USP32: variants seen among roughly 807,000 people sequenced by gnomAD.
The protein encoded by USP32 is ubiquitin carboxyl-terminal hydrolase 32.
Under a neutral mutation model 204.8 loss-of-function variants are expected in USP32, and 59 were observed. That is an observed-to-expected ratio of 0.29 (90% CI 0.23 to 0.36). USP32 has a LOEUF of 0.36. Ranked by LOEUF, USP32 falls within the 10% of genes least tolerant of loss-of-function variation. The pLI, the probability that USP32 is intolerant of heterozygous loss-of-function variation, is 1.00. For synonymous variants in USP32, 517 were observed against 678.4 expected (o/e 0.76, Z 3.70); for missense variants, 1,160 against 1,946.4 (o/e 0.60, Z 7.60).
In USP32 at chr17:60,407,610, C is replaced by T. The variant is rs1415926388; in HGVS notation, c.106+14636G>A. On this transcript the variant is annotated intron_variant, in intron 1 of 3. Coordinates refer to the USP32 transcript ENST00000588898. ...TTAAGGGAAGACTACAAAATACAGA[C>T]ATTCAACAATGTGACATCCACATTA... Among the ~76,000 whole-genome samples the T allele has an allele frequency of 2.0e-5, 3 of 152,082 alleles. No individual in the cohort carries two copies. The East Asian group carries it at 5.8e-4, about 29-fold the overall frequency.
At chr17:60,384,706 T>C (rs2146123327) in intron 1 of USP32, among the ~76,000 whole-genome samples, 1 of 151,458 alleles carries the variant, frequency 6.6e-6, no homozygotes, top group East Asian at 1.9e-4. Flanking sequence ...GCAGGAGAAT[T>C]GCTTGAATTC....
intron 4 of USP32, among the ~76,000 whole-genome samples, chr17:60,291,252 C>T (rs2087265297): frequency 6.6e-6 from 1 of 152,026 alleles, no homozygotes; most frequent in African/African-American, 2.4e-5. Flanking sequence ...AACTGGTAGA[C>T]CAAAAATTAT....
At chr17:60,265,901 T>G (rs2086578987) in intron 8 of USP32, 75 bp downstream of exon 8, 1 of 1,187,630 alleles carries the variant, frequency 8.4e-7, no homozygotes, top group East Asian at 2.3e-5. Context: ...TATTTTATGC[T>G]TTTAAAGAAA....
chr17:60,356,123 C>G (rs976833979), intron 1 of USP32, among the ~76,000 whole-genome samples: 1 of 152,126 alleles, frequency 6.6e-6, no homozygotes, highest in African/African-American at 2.4e-5. Context: ...CAAGCTTTGT[C>G]TTTATTTGAT....
intron 16 of USP32, among the ~76,000 whole-genome samples, chr17:60,218,336 A>T (rs900459674): frequency 2.6e-5 from 4 of 152,130 alleles, no homozygotes; most frequent in Admixed American, 6.6e-5. Context: ...GTGAGCCGAG[A>T]TCGTGCCACT....
chr17:60,205,372 T>C, intron 26 of USP32, 75 bp downstream of exon 26: 1 of 1,561,528 alleles, frequency 6.4e-7, no homozygotes, highest in Non-Finnish European at 8.7e-7. Context: ...TCAATGATGT[T>C]GCAAAGACAG....
chr17:60,321,620 T>C (rs1204004101), intron 2 of USP32, among the ~76,000 whole-genome samples: 1 of 152,006 alleles, frequency 6.6e-6, no homozygotes, highest in Non-Finnish European at 1.5e-5. Context: ...CCCAAAGAAA[T>C]GAGGGCAAAC....
chr17:60,411,673 C>A (rs918418818), intron 1 of USP32, among the ~76,000 whole-genome samples: 1 of 151,820 alleles, frequency 6.6e-6, no homozygotes, highest in African/African-American at 2.4e-5. Flanking sequence ...CCATGTACAG[C>A]TCCTATTCTA....
chr17:60,348,094 C>T (rs941238734), intron 1 of USP32, among the ~76,000 whole-genome samples: 2 of 151,424 alleles, frequency 1.3e-5, no homozygotes, highest in Admixed American at 1.3e-4. Flanking sequence ...TGCACTCCAG[C>T]CTGGGCAACA....
chr17:60,391,582 C>T (rs2089834391), intron 1 of USP32, among the ~76,000 whole-genome samples: 1 of 152,144 alleles, frequency 6.6e-6, no homozygotes, highest in African/African-American at 2.4e-5. Context: ...CCCAAGAAAA[C>T]GGGGAGAGGA....
chr17:60,231,458 T>G (rs1280111818), intron 12 of USP32: 7 of 444,686 alleles, frequency 1.6e-5, no homozygotes, highest in Non-Finnish European at 3.2e-5. Flanking sequence ...CTCAGAGGCT[T>G]CATTTGTAAA....
At chr17:60,230,734 C>G (rs146279461) in intron 12 of USP32, among the ~76,000 whole-genome samples, 1 of 152,210 alleles carries the variant, frequency 6.6e-6, no homozygotes, top group Non-Finnish European at 1.5e-5. Context: ...CCCCTTCCTA[C>G]ACGCTTATTT....
rs2089996208 is a variant in USP32 at position 60,408,581 on chromosome 17, T to C, written c.106+13665A>G. Among the ~76,000 whole-genome samples, 3 of 152,128 alleles carry C rather than the reference T, an allele frequency of 2.0e-5. No individual in the cohort carries two copies. In the South Asian group the frequency reaches 6.2e-4, roughly 32 times the overall value. ...TTAGTAGAGATGGGGTTTCACCATG[T>C]TGGCCAGGCTGGTCTTCAACTCCTG... On this transcript the variant is annotated intron_variant, in intron 1 of 3. Transcript: ENST00000588898.
chr17:60,332,165 C>T (rs9897245), intron 2 of USP32, among the ~76,000 whole-genome samples: 21,201 of 150,030 alleles, frequency 0.14, 3,194 homozygotes, highest in African/African-American at 0.38. Context: ...GGCTGAGGCA[C>T]GAGACTCGCT....
intron 1 of USP32, among the ~76,000 whole-genome samples, chr17:60,416,276 C>T (rs2090061511): frequency 6.6e-6 from 1 of 152,132 alleles, no homozygotes; most frequent in Admixed American, 6.5e-5. Flanking sequence ...GCAGTAGATG[C>T]TAAGAGTTAT....
chr17:60,265,836 T>C, intron 8 of USP32, 140 bp downstream of exon 8: 2 of 637,668 alleles, frequency 3.1e-6, no homozygotes, highest in Non-Finnish European at 2.6e-6. Context: ...ATTTTGCATC[T>C]TCAGCTATAA....
In USP32 at chr17:60,333,570, A is replaced by G. The variant is rs186959977; in HGVS notation, c.186+11911T>C. Among the ~76,000 whole-genome samples, 47 of 151,998 alleles carry G rather than the reference A, an allele frequency of 3.1e-4. No homozygotes were observed. In the East Asian group the frequency reaches 8.1e-3, roughly 26 times the overall value. On this transcript the variant is annotated intron_variant, in intron 2 of 33. Coordinates refer to ENST00000300896, the MANE Select transcript of USP32 (RefSeq NM_032582.4). ...AGCCAAGATTGTGCCACTGCACTCC[A>G]CCTGGGTGACAGACTGAGACTCCAT...
At chr17:60,273,999 A>C (rs910516953) in intron 5 of USP32, among the ~76,000 whole-genome samples, 5 of 151,768 alleles carry the variant, frequency 3.3e-5, no homozygotes. Flanking sequence ...GTCAATAGAA[A>C]AAGACCTAGA....
At chr17:60,377,820 G>C (rs376162084) in intron 1 of USP32, among the ~76,000 whole-genome samples, 1 of 151,966 alleles carries the variant, frequency 6.6e-6, no homozygotes, top group Non-Finnish European at 1.5e-5. Context: ...TTTCTATTCT[G>C]GTTTTCTGCA....
Sources: gnomAD v4.1 joint callset for allele counts (sites outside exome capture counted in the v4.1 genomes callset) on GRCh38, gnomAD v4.1.1 for gene constraint, MANE v1.5 for transcripts, NCBI Gene and HGNC (gene_info 2026-07-23, HGNC 2026-07-21) for gene names.